Variants in OR56A3 observed in about 807,000 individuals in gnomAD.
OR56A3 encodes the protein olfactory receptor 56A3.
In OR56A3, 23 loss-of-function variants were observed where a neutral mutation model predicts 17.5. The observed-to-expected ratio is 1.32, with a 90% CI of 0.95 to 1.87. The LOEUF is 1.87. Among genes scored for constraint, OR56A3 ranks in the 40% most tolerant of loss-of-function variants. OR56A3 has a pLI of 0.00. For synonymous variants in OR56A3, 175 were observed against 150.6 expected (o/e 1.16, Z -1.19); for missense variants, 366 against 380.1 (o/e 0.96, Z 0.31).
At chr11:5,977,265 A>C in the OR56A3 span, among the ~76,000 whole-genome samples, 2 of 152,110 alleles carry the variant, frequency 1.3e-5, no homozygotes, top group Non-Finnish European at 2.9e-5. Context: ...GTAGTTCTGT[A>C]CTATGTTCTT....
rs1318716550 is a variant in OR56A3, at chr11:5,947,030, T to G, written c.-36-281T>G. Reference sequence around the variant, plus strand: ...TCTCACCTGTCACACTAAAGTTGTTTCCTAAGTGTTTTCTCCTTTTTAGTT... The same window carrying G: ...TCTCACCTGTCACACTAAAGTTGTTGCCTAAGTGTTTTCTCCTTTTTAGTT... On this transcript the variant is annotated intron_variant, in intron 2 of 2. Transcript: ENST00000641160. Among the ~76,000 whole-genome samples the G allele has an allele frequency of 2.0e-5, 3 of 152,004 alleles. No individual in the cohort carries two copies. The South Asian group carries it at 6.2e-4, about 32-fold the overall frequency.
At chr11:5,990,719 T>C in the OR56A3 span, among the ~76,000 whole-genome samples, 1 of 152,012 alleles carries the variant, frequency 6.6e-6, no homozygotes, top group East Asian at 1.9e-4. Flanking sequence ...GATACAAAAA[T>C]CAAACATTAA....
chr11:6,011,204 T>TATACA, the OR56A3 span, among the ~76,000 whole-genome samples: 179 of 122,380 alleles, frequency 1.5e-3, no homozygotes, highest in Non-Finnish European at 1.9e-3. Context: ...GAGATTTATT[T>TATACA]TATATATATA....
the OR56A3 span, among the ~76,000 whole-genome samples, chr11:5,966,893 A>AACAC: frequency 0.015 from 2,224 of 147,074 alleles, 24 homozygotes; most frequent in African/African-American, 0.021. Context: ...CACTTAAAGC[A>AACAC]ACACACACAC....
the OR56A3 span, among the ~76,000 whole-genome samples, chr11:5,998,626 C>A: frequency 6.6e-6 from 1 of 152,138 alleles, no homozygotes; most frequent in Non-Finnish European, 1.5e-5. Context: ...AGAAGTTATT[C>A]TACCCCAAGA....
At chr11:5,995,087 C>T in the OR56A3 span, 1 of 596,510 alleles carries the variant, frequency 1.7e-6, no homozygotes, top group Non-Finnish European at 3.0e-6. Flanking sequence ...GGCCGGGTGC[C>T]ATAGCTGGGC....
chr11:5,988,329 A>C, the OR56A3 span, among the ~76,000 whole-genome samples: 1 of 152,236 alleles, frequency 6.6e-6, no homozygotes, highest in African/African-American at 2.4e-5. Context: ...TTAAAGAAAC[A>C]TATCTTATTA....
the OR56A3 span, chr11:6,002,314 C>G: frequency 1.9e-6 from 3 of 1,614,178 alleles, no homozygotes; most frequent in Non-Finnish European, 2.5e-6. Flanking sequence ...CTAAGCACAA[C>G]TTTCAATATA....
the OR56A3 span, chr11:6,003,116 TC>T: frequency 1.3e-6 from 2 of 1,589,998 alleles, no homozygotes; most frequent in Non-Finnish European, 1.7e-6. Context: ...CCTGTATCTG[TC>T]CCAATAAAGT....
the OR56A3 span, among the ~76,000 whole-genome samples, chr11:5,971,486 C>T: frequency 2.0e-5 from 3 of 152,164 alleles, no homozygotes; most frequent in Non-Finnish European, 4.4e-5. Context: ...TCATTCCTCC[C>T]TCACATTGTG....
At chr11:6,003,000 T>G in the OR56A3 span, 2 of 1,614,116 alleles carry the variant, frequency 1.2e-6, no homozygotes, top group Middle Eastern at 1.6e-4. Context: ...CATGTAAAGT[T>G]TCCTGATCAA....
the OR56A3 span, chr11:6,002,256 G>A: frequency 1.9e-6 from 3 of 1,614,018 alleles, no homozygotes; most frequent in African/African-American, 2.7e-5. Flanking sequence ...GATGAAGTGG[G>A]AACCACACGT....
chr11:5,998,644 T>C, the OR56A3 span, among the ~76,000 whole-genome samples: 10 of 152,120 alleles, frequency 6.6e-5, no homozygotes, highest in Non-Finnish European at 1.0e-4. Context: ...AGAAGAAAAG[T>C]TGGACTAAAA....
chr11:5,943,245 T>C lies in OR56A3; in HGVS notation c.-314+871T>C, dbSNP rs563991474. On this transcript the variant is annotated intron_variant, in intron 1 of 2. Coordinates refer to ENST00000641160, the MANE Select transcript of OR56A3 (RefSeq NM_001003443.3). ...TTAGAAAAATAAAATAATCCTCCCATGTAATCCTCAGAAATTTCATCTTAG... is the reference window on the plus strand; with the variant it reads ...TTAGAAAAATAAAATAATCCTCCCACGTAATCCTCAGAAATTTCATCTTAG... The C allele has an allele frequency of 3.3e-5, 5 of 152,288 alleles. No individual in the cohort carries two copies. The East Asian group carries it at 9.7e-4, about 29-fold the overall frequency. The allele number at this position is 152,288 out of a possible 1,614,324, so 9.4% of individuals were successfully genotyped here.
chr11:6,017,795 C>A, the OR56A3 span, among the ~76,000 whole-genome samples: 1 of 152,074 alleles, frequency 6.6e-6, no homozygotes, highest in Non-Finnish European at 1.5e-5. Context: ...TTTAATCACC[C>A]AACTATGGGC....
the OR56A3 span, chr11:5,968,098 G>C: frequency 7.4e-6 from 12 of 1,613,996 alleles, no homozygotes; most frequent in Non-Finnish European, 1.0e-5. Context: ...GAGTACTGTA[G>C]GGGCTTGCAG....
Position 5,948,054 on chromosome 11 carries a change from T to G in OR56A3, c.708T>G (p.Gly236=). 6.2e-7 allele frequency: 1 copy of G among 1,614,108 alleles called. No homozygotes were observed. Among genetic ancestry groups the G allele is most frequent in the Non-Finnish European group, 8.5e-7 (1 of 1,180,018 alleles). ...CTGTGCTGAGACTCAAGGCAGAGGG[T>G]GCCGTGGCAAAGGCCCTAAGCACAT... is the stretch of plus-strand genomic sequence containing the variant. The part of the protein sequence containing the change: ...LRAVLRLKAE[G]AVAKALSTCG... The change falls in exon 3 of 3, where the codon GGT becomes GGG. Residue 236 remains glycine (G), a synonymous_variant. Transcript: ENST00000641160.
At chr11:5,978,076 T>C in the OR56A3 span, among the ~76,000 whole-genome samples, 1 of 152,214 alleles carries the variant, frequency 6.6e-6, no homozygotes, top group Non-Finnish European at 1.5e-5. Flanking sequence ...TGTCTATTTT[T>C]GTACCAGTAC....
At chr11:5,986,083 C>G in the OR56A3 span, 12 of 1,613,840 alleles carry the variant, frequency 7.4e-6, no homozygotes, top group African/African-American at 1.3e-5. Context: ...TACATGATGA[C>G]CAAAGCGGTG....
Sources: gnomAD v4.1 joint callset for allele counts (sites outside exome capture counted in the v4.1 genomes callset) on GRCh38, gnomAD v4.1.1 for gene constraint, MANE v1.5 for transcripts, NCBI Gene and HGNC (gene_info 2026-07-23, HGNC 2026-07-21) for gene names.